VPS53: variants seen among roughly 807,000 people sequenced by gnomAD.
VPS53 encodes vacuolar protein sorting-associated protein 53 homolog.
VPS53 carries 70 observed loss-of-function variants against 107.0 expected under a neutral mutation model. That is an observed-to-expected ratio of 0.65 (90% CI 0.54 to 0.80). The LOEUF is 0.80. Among genes scored for constraint, VPS53 ranks in the 30% least tolerant of loss-of-function variants. The probability of loss-of-function intolerance (pLI) is 0.00; values close to 1 mark genes in which losing one functional copy is unlikely to be tolerated. For missense variants in VPS53, 917 were observed against 1,049.4 expected (o/e 0.87, Z 1.74); for synonymous variants, 409 against 393.3 (o/e 1.04, Z -0.47).
chr17:569,685 G>A (rs904383615), intron 13 of VPS53, among the ~76,000 whole-genome samples: 6 of 152,024 alleles, frequency 3.9e-5, no homozygotes, highest in African/African-American at 7.2e-5. Flanking sequence ...TAGGGAGGCC[G>A]AGGTGGGCAG....
At chr17:681,605 A>C (rs1240473287) in intron 4 of VPS53, among the ~76,000 whole-genome samples, 1 of 152,222 alleles carries the variant, frequency 6.6e-6, no homozygotes, top group African/African-American at 2.4e-5. Context: ...TCACATAGAT[A>C]TATGTAGTTA....
intron 7 of VPS53, among the ~76,000 whole-genome samples, chr17:631,937 T>C (rs1273179489): frequency 6.6e-6 from 1 of 152,108 alleles, no homozygotes; most frequent in East Asian, 1.9e-4. Context: ...GAAAATGTTA[T>C]AGAATCACAT....
chr17:523,069 G>C (rs1193528530), intron 19 of VPS53: 1 of 152,268 alleles, frequency 6.6e-6, no homozygotes, highest in East Asian at 1.9e-4. Context: ...AACGGGGTTA[G>C]ACAAAAGGTG....
chr17:690,640 G>A (rs931634796), intron 4 of VPS53, among the ~76,000 whole-genome samples: 8 of 152,180 alleles, frequency 5.3e-5, no homozygotes, highest in African/African-American at 1.9e-4. Context: ...GGGGGTTTCA[G>A]GTGACTGCCA....
intron 11 of VPS53, among the ~76,000 whole-genome samples, chr17:604,576 T>TG (rs1455923830): frequency 6.6e-6 from 1 of 152,204 alleles, no homozygotes; most frequent in Non-Finnish European, 1.5e-5. Flanking sequence ...CCTGAGTAGC[T>TG]GGGACTACAG....
Position 626,464 on chromosome 17 carries a change from G to A in VPS53, c.974+710C>T, listed in dbSNP as rs568131489. 3.7e-4 allele frequency among the ~76,000 whole-genome samples: 57 copies of A among 152,038 alleles called. 1 individual carries two copies. In the South Asian group the frequency reaches 0.011, roughly 30 times the overall value. On this transcript the variant is annotated intron_variant, in intron 10 of 21. Coordinates refer to ENST00000437048, the MANE Select transcript of VPS53 (RefSeq NM_001128159.3). ...ATGGGCGGGCAGATCACCTGAGGTC[G>A]GGACTTCAAGACCAGCCTGGCCAAC...
Position 655,972 on chromosome 17 carries a change from C to CAAGA in VPS53, c.373-23_373-20dup, listed in dbSNP as rs534867461. On this transcript the variant is annotated intron_variant, in intron 5 of 21. Transcript: ENST00000437048. ...CTTTCACCTAAACATTGAAAAACCACAAGAAAGAAAGGAAGACGGTCAAGA... is the reference window on the plus strand; with the variant it reads ...CTTTCACCTAAACATTGAAAAACCACAAGAAAGAAAGAAAGGAAGACGGTCAAGA... The CAAGA allele has an allele frequency of 1.9e-6, 3 of 1,603,256 alleles. No homozygotes were observed. The South Asian group carries it at 3.3e-5, about 18-fold the overall frequency.
intron 13 of VPS53, among the ~76,000 whole-genome samples, chr17:583,869 C>T (rs1597341153): frequency 6.8e-6 from 1 of 147,058 alleles, no homozygotes; most frequent in African/African-American, 2.5e-5. Flanking sequence ...CTCAGAACCT[C>T]AATGCGTTCC....
intron 19 of VPS53, among the ~76,000 whole-genome samples, chr17:529,580 C>T (rs531942831): frequency 5.3e-5 from 8 of 152,206 alleles, no homozygotes; most frequent in African/African-American, 1.9e-4. Context: ...CAGAAAGACT[C>T]CATATGTATT....
chr17:608,149 G>A (rs1336146981), intron 11 of VPS53, among the ~76,000 whole-genome samples: 1 of 152,178 alleles, frequency 6.6e-6, no homozygotes, highest in African/African-American at 2.4e-5. Flanking sequence ...AGGACTGCAA[G>A]CCCAGGGGTT....
chr17:711,004 G>A (rs1973624207), intron 1 of VPS53, among the ~76,000 whole-genome samples: 1 of 152,128 alleles, frequency 6.6e-6, no homozygotes. Context: ...TTGAGCTCAG[G>A]AGTTGGAGAC....
intron 7 of VPS53, among the ~76,000 whole-genome samples, chr17:651,556 A>G (rs1014770890): frequency 2.6e-5 from 4 of 151,992 alleles, no homozygotes; most frequent in Non-Finnish European, 5.9e-5. Flanking sequence ...CTGCCACTAC[A>G]CTCCATCCTG....
At chr17:570,969 A>G (rs1012549869) in intron 13 of VPS53, among the ~76,000 whole-genome samples, 2 of 152,158 alleles carry the variant, frequency 1.3e-5, no homozygotes, top group Non-Finnish European at 2.9e-5. Context: ...ATATATATTG[A>G]AGTATTAAGG....
rs887994877 is a variant in VPS53 at position 590,494 on chromosome 17, G to A, written c.1219-4130C>T. On this transcript the variant is annotated intron_variant, in intron 12 of 21. Coordinates refer to ENST00000437048, the MANE Select transcript of VPS53 (RefSeq NM_001128159.3). Reference sequence around the variant, plus strand: ...AATGCTTCCAGTTTTTGCCCATTCAGTATGATATTGGCTGTGGGTTTGTCA... The same window carrying A: ...AATGCTTCCAGTTTTTGCCCATTCAATATGATATTGGCTGTGGGTTTGTCA... Among the ~76,000 whole-genome samples the A allele has an allele frequency of 9.4e-4, 142 of 151,550 alleles. 2 individuals carry two copies. Among genetic ancestry groups the A allele is most frequent in the African/African-American group, 3.4e-3 (139 of 41,198 alleles).
chr17:676,193 G>A (rs543344601), intron 4 of VPS53: 22 of 152,190 alleles, frequency 1.4e-4, no homozygotes, highest in Admixed American at 1.0e-3. Flanking sequence ...TGGAAATGGT[G>A]ACGGCACAAC....
At chr17:656,816 G>T (rs58241310) in intron 5 of VPS53, 2 of 1,568,306 alleles carry the variant, frequency 1.3e-6, no homozygotes, top group Non-Finnish European at 1.8e-6. Flanking sequence ...CTGTTTGGCC[G>T]CCAGTCTCTT....
rs1456504469 is a variant in VPS53, at chr17:560,630, T to C, written c.1557-57A>G. Reference sequence around the variant, plus strand: ...GGAATTTCTAATTTGCTTCCTGAACTGGAAACTACATTATTTTAAGATACA... The same window carrying C: ...GGAATTTCTAATTTGCTTCCTGAACCGGAAACTACATTATTTTAAGATACA... On this transcript the variant is annotated intron_variant, in intron 14 of 21. Coordinates refer to ENST00000437048, the MANE Select transcript of VPS53 (RefSeq NM_001128159.3). 4 of 1,580,166 alleles carry C rather than the reference T, an allele frequency of 2.5e-6. No individual in the cohort carries two copies. The Admixed American group carries it at 7.1e-5, about 28-fold the overall frequency.
intron 5 of VPS53, chr17:656,968 G>A (rs765152601): frequency 3.0e-5 from 29 of 967,894 alleles, no homozygotes; most frequent in Non-Finnish European, 4.2e-5. Context: ...CATGAACCAC[G>A]TCAGAAGATC....
chr17:696,845 T>G (rs1245744856), intron 4 of VPS53, among the ~76,000 whole-genome samples: 1 of 138,902 alleles, frequency 7.2e-6, no homozygotes, highest in Non-Finnish European at 1.5e-5. Context: ...CATGCTGGAG[T>G]GCAGCGGTGC....
Sources: gnomAD v4.1 joint callset for allele counts (sites outside exome capture counted in the v4.1 genomes callset) on GRCh38, gnomAD v4.1.1 for gene constraint, MANE v1.5 for transcripts, NCBI Gene and HGNC (gene_info 2026-07-23, HGNC 2026-07-21) for gene names.